HMGCLL1: variants seen among roughly 807,000 people sequenced by gnomAD.
HMGCLL1 encodes 3-hydroxymethyl-3-methylglutaryl-CoA lyase, cytoplasmic.
Under a neutral mutation model 39.1 loss-of-function variants are expected in HMGCLL1, and 36 were observed. The ratio of observed to expected loss-of-function variants is 0.92; its 90% confidence interval spans 0.71 to 1.22. HMGCLL1 has a LOEUF of 1.22. Among genes scored for constraint, HMGCLL1 ranks in the 50% most tolerant of loss-of-function variants. HMGCLL1 has a pLI of 0.00. For missense variants in HMGCLL1, 451 were observed against 416.5 expected (o/e 1.08, Z -0.72); for synonymous variants, 149 against 144.0 (o/e 1.03, Z -0.25).
intron 1 of HMGCLL1, among the ~76,000 whole-genome samples, chr6:55,554,070 T>C (rs2127466559): frequency 6.6e-6 from 1 of 152,212 alleles, no homozygotes; most frequent in Admixed American, 6.5e-5. Context: ...CACTTCAACA[T>C]GAGGATAAAT....
intron 7 of HMGCLL1, among the ~76,000 whole-genome samples, chr6:55,468,749 G>C (rs1395665511): frequency 6.6e-6 from 1 of 151,842 alleles, no homozygotes; most frequent in African/African-American, 2.4e-5. Context: ...TTTAATCATA[G>C]ACATTTAGAT....
At chr6:55,546,590 T>C (rs1769991280) in intron 1 of HMGCLL1, among the ~76,000 whole-genome samples, 2 of 152,108 alleles carry the variant, frequency 1.3e-5, no homozygotes, top group South Asian at 2.1e-4. Flanking sequence ...GCTTACATTT[T>C]AGTGCTATAG....
chr6:55,632,647 C>A, the HMGCLL1 span, among the ~76,000 whole-genome samples: 1 of 151,764 alleles, frequency 6.6e-6, no homozygotes, highest in Non-Finnish European at 1.5e-5. Context: ...TAGGGGCCTA[C>A]TTATTATATC....
chr6:55,661,432 T>C, the HMGCLL1 span, among the ~76,000 whole-genome samples: 1 of 152,024 alleles, frequency 6.6e-6, no homozygotes, highest in African/African-American at 2.4e-5. Context: ...CTTCTGCCTA[T>C]GGCTAGACAA....
the HMGCLL1 span, among the ~76,000 whole-genome samples, chr6:55,633,169 T>C: frequency 6.6e-6 from 1 of 152,114 alleles, no homozygotes; most frequent in East Asian, 1.9e-4. Flanking sequence ...AAGGCATATG[T>C]CATTCAAATT....
intron 7 of HMGCLL1, among the ~76,000 whole-genome samples, chr6:55,488,241 C>T (rs7756162): frequency 0.48 from 73,545 of 151,792 alleles, 17,864 homozygotes; most frequent in African/African-American, 0.52. Flanking sequence ...AATAGTATTA[C>T]TTAACCTGAA....
At chr6:55,595,994 A>G in the HMGCLL1 span, among the ~76,000 whole-genome samples, 1 of 152,304 alleles carries the variant, frequency 6.6e-6, no homozygotes, top group East Asian at 1.9e-4. Context: ...ATGTTTTGTA[A>G]AAGATGTATC....
At chr6:55,509,054 G>A (rs898237900) in intron 5 of HMGCLL1, among the ~76,000 whole-genome samples, 2 of 151,812 alleles carry the variant, frequency 1.3e-5, no homozygotes, top group Non-Finnish European at 2.9e-5. Context: ...ACACAGCAGT[G>A]CCAGAATAAT....
At chr6:55,636,340 A>G in the HMGCLL1 span, among the ~76,000 whole-genome samples, 1 of 152,174 alleles carries the variant, frequency 6.6e-6, no homozygotes, top group Non-Finnish European at 1.5e-5. Flanking sequence ...ATGGAACATC[A>G]ACAGAACTTT....
intron 1 of HMGCLL1, among the ~76,000 whole-genome samples, chr6:55,542,819 A>G (rs139010313): frequency 0.023 from 3,254 of 139,198 alleles, 131 homozygotes; most frequent in African/African-American, 0.083. Context: ...TATATTACAT[A>G]TATATGTAAT....
At chr6:55,465,034 T>C (rs1764738795) in intron 7 of HMGCLL1, among the ~76,000 whole-genome samples, 4 of 152,230 alleles carry the variant, frequency 2.6e-5, no homozygotes. Context: ...CATTCATCTG[T>C]GAACATTATA....
intron 4 of HMGCLL1, 133 bp from the exon 5 acceptor site, chr6:55,514,329 T>C (rs1767624017): frequency 1.6e-6 from 1 of 617,244 alleles, no homozygotes; most frequent in African/African-American, 1.9e-5. Flanking sequence ...TAAAATTGGA[T>C]TCCTCTCATC....
intron 3 of HMGCLL1, among the ~76,000 whole-genome samples, chr6:55,524,505 A>G (rs1470926428): frequency 6.7e-6 from 1 of 149,510 alleles, no homozygotes; most frequent in African/African-American, 2.5e-5. Flanking sequence ...TGATGTATTC[A>G]GTATCTAAAG....
intron 1 of HMGCLL1, among the ~76,000 whole-genome samples, chr6:55,543,354 G>GATATATAAT (rs1561951144): frequency 2.1e-4 from 1 of 4,768 alleles, no homozygotes; most frequent in Admixed American, 4.5e-3. Context: ...TATATAATAT[G>GATATATAAT]ATATATTATA....
chr6:55,502,538 A>T (rs2127428799), intron 5 of HMGCLL1, among the ~76,000 whole-genome samples: 1 of 151,766 alleles, frequency 6.6e-6, no homozygotes, highest in East Asian at 1.9e-4. Context: ...TCACTCTTAC[A>T]GTTTTCTCAA....
intron 8 of HMGCLL1, among the ~76,000 whole-genome samples, chr6:55,437,583 A>G (rs1386986288): frequency 6.6e-6 from 1 of 152,024 alleles, no homozygotes; most frequent in Non-Finnish European, 1.5e-5. Flanking sequence ...CATGGCGTAT[A>G]TGGATAAAGG....
At chr6:55,499,100 C>G in intron 6 of HMGCLL1, 136 bp downstream of exon 6, 2 of 579,976 alleles carry the variant, frequency 3.4e-6, no homozygotes, top group Non-Finnish European at 5.9e-6. Context: ...GTTAAGTGAT[C>G]AAATATGTCT....
chr6:55,532,839 TAATAATAATAATAA>T (rs1330885750), intron 3 of HMGCLL1, among the ~76,000 whole-genome samples: 13 of 147,946 alleles, frequency 8.8e-5, no homozygotes, highest in African/African-American at 3.0e-4. Flanking sequence ...ATAATAATAA[TAATAATAATAATAA>T]TAGTTTCCAC....
At chr6:55,607,171 A>G in the HMGCLL1 span, among the ~76,000 whole-genome samples, 1 of 152,164 alleles carries the variant, frequency 6.6e-6, no homozygotes, top group Non-Finnish European at 1.5e-5. Context: ...GGAGATAAGT[A>G]TTTGTCACAA....
Sources: gnomAD v4.1 joint callset for allele counts (sites outside exome capture counted in the v4.1 genomes callset) on GRCh38, gnomAD v4.1.1 for gene constraint, MANE v1.5 for transcripts, NCBI Gene and HGNC (gene_info 2026-07-23, HGNC 2026-07-21) for gene names.